The following KCNAB1 variants were observed in gnomAD, a reference collection of about 807,000 sequenced individuals.
KCNAB1 encodes voltage-gated potassium channel subunit beta-1.
KCNAB1 carries 35 observed loss-of-function variants against 64.6 expected under a neutral mutation model. That is an observed-to-expected ratio of 0.54 (90% confidence interval 0.41 to 0.72). KCNAB1 has a LOEUF of 0.72. Among genes scored for constraint, KCNAB1 ranks in the 30% least tolerant of loss-of-function variants. The pLI is 0.00. For synonymous variants in KCNAB1, 177 were observed against 183.8 expected, an observed-to-expected ratio of 0.96 and a Z score of 0.30; for missense variants, 401 against 512.9, an observed-to-expected ratio of 0.78 and a Z score of 2.11.
At chr3:156,244,111 T>C (rs376588165) in intron 1 of KCNAB1, among the ~76,000 whole-genome samples, 84 of 152,360 alleles carry the variant, frequency 5.5e-4, no homozygotes, top group African/African-American at 2.0e-3. Flanking sequence ...TGACAACAAA[T>C]TTAGTGGCTT....
At chr3:156,300,404 T>C (rs776721154) in intron 1 of KCNAB1, among the ~76,000 whole-genome samples, 1 of 152,194 alleles carries the variant, frequency 6.6e-6, no homozygotes, top group Non-Finnish European at 1.5e-5. Flanking sequence ...ACCAGCAGTT[T>C]TCTCCTAGAT....
intron 1 of KCNAB1, among the ~76,000 whole-genome samples, chr3:156,246,534 C>T (rs146200133): frequency 6.7e-6 from 1 of 148,436 alleles, no homozygotes; most frequent in Non-Finnish European, 1.5e-5. Context: ...ACCCGAGAGG[C>T]AGAGGTTGCA....
At chr3:156,156,201 G>A (rs75943024) in intron 1 of KCNAB1, among the ~76,000 whole-genome samples, 5,499 of 152,268 alleles carry the variant, frequency 0.036, 104 homozygotes, top group Non-Finnish European at 0.044. Context: ...CAAGGGCTTA[G>A]AGGTTAACTC....
chr3:156,195,961 G>A (rs1033547178), intron 1 of KCNAB1, among the ~76,000 whole-genome samples: 3 of 152,136 alleles, frequency 2.0e-5, no homozygotes, highest in African/African-American at 7.2e-5. Context: ...GTTAATTTTT[G>A]TATAAAGTGT....
chr3:156,200,776 C>G (rs931304346), intron 1 of KCNAB1, among the ~76,000 whole-genome samples: 1 of 152,210 alleles, frequency 6.6e-6, no homozygotes, highest in Non-Finnish European at 1.5e-5. Flanking sequence ...CTGAATGAGA[C>G]CACTTGGCTC....
intron 4 of KCNAB1, 127 bp downstream of exon 4, chr3:156,457,659 T>C (rs1230436674): frequency 1.3e-6 from 1 of 774,262 alleles, no homozygotes; most frequent in East Asian, 2.5e-5. Context: ...CTCTGCTCTG[T>C]TCTGCCCTCT....
At chr3:156,332,577 A>C (rs1384109941) in intron 1 of KCNAB1, among the ~76,000 whole-genome samples, 2 of 152,148 alleles carry the variant, frequency 1.3e-5, no homozygotes, top group African/African-American at 4.8e-5. Context: ...GACATCTGCT[A>C]TAAGGAATGT....
chr3:156,175,609 C>T (rs781763344), intron 1 of KCNAB1, among the ~76,000 whole-genome samples: 2 of 152,226 alleles, frequency 1.3e-5, no homozygotes, highest in African/African-American at 4.8e-5. Flanking sequence ...TAGAGCGAGA[C>T]TCTGTCTCAA....
chr3:156,438,265 G>C lies in KCNAB1; in HGVS notation c.320-14634G>C, dbSNP rs1716726551. On this transcript the variant is annotated intron_variant, in intron 2 of 13. Transcript: ENST00000490337. ...CTGGGAACATTTTTCTTCCCAGGCA[G>C]CTGCAGCAAGCACAGCCAGAGAGCA... Among the ~76,000 whole-genome samples, 4 of 152,334 alleles carry C rather than the reference G, an allele frequency of 2.6e-5. No homozygotes were observed. The South Asian group carries it at 8.3e-4, about 32-fold the overall frequency.
At chr3:156,130,487 G>A (rs928086588) in intron 1 of KCNAB1, among the ~76,000 whole-genome samples, 2 of 152,140 alleles carry the variant, frequency 1.3e-5, no homozygotes, top group African/African-American at 4.8e-5. Context: ...AATGATCCAT[G>A]TGCATGTGAT....
chr3:156,413,383 C>A (rs963777073), intron 1 of KCNAB1, among the ~76,000 whole-genome samples: 2 of 152,126 alleles, frequency 1.3e-5, no homozygotes, highest in African/African-American at 4.8e-5. Flanking sequence ...CCCTAAGTAC[C>A]AGGAGCAGAG....
At chr3:156,526,851 T>C (rs1161531953) in intron 12 of KCNAB1, among the ~76,000 whole-genome samples, 1 of 125,842 alleles carries the variant, frequency 7.9e-6, no homozygotes, top group Non-Finnish European at 1.7e-5. Context: ...AAATGGGTGC[T>C]GATTCTAGAC....
chr3:156,120,916 G>T, intron 1 of KCNAB1, 30 bp downstream of exon 1: 1 of 1,606,800 alleles, frequency 6.2e-7, no homozygotes, highest in Non-Finnish European at 8.5e-7. Context: ...CGCGGGCTTT[G>T]GGAGACGCCG....
chr3:156,256,572 C>T (rs141608471), intron 1 of KCNAB1, among the ~76,000 whole-genome samples: 4 of 152,362 alleles, frequency 2.6e-5, no homozygotes, highest in Non-Finnish European at 2.9e-5. Flanking sequence ...CAGGCATCGT[C>T]TTCTGTTTTA....
intron 1 of KCNAB1, among the ~76,000 whole-genome samples, chr3:156,359,039 A>G (rs1285347691): frequency 2.6e-5 from 4 of 152,250 alleles, no homozygotes; most frequent in African/African-American, 4.8e-5. Context: ...TTATTTTTAA[A>G]TAAACCAATA....
intron 1 of KCNAB1, among the ~76,000 whole-genome samples, chr3:156,373,393 AT>A (rs1437963061): frequency 6.6e-6 from 1 of 152,192 alleles, no homozygotes; most frequent in African/African-American, 2.4e-5. Context: ...TCTCATTTTC[AT>A]TTTCCATAAA....
At chr3:156,362,000 C>G (rs1725645130) in intron 1 of KCNAB1, among the ~76,000 whole-genome samples, 1 of 152,192 alleles carries the variant, frequency 6.6e-6, no homozygotes, top group African/African-American at 2.4e-5. Context: ...TTATTAACCC[C>G]TCACCCTGTG....
At chr3:156,473,483 G>T (rs1468239608) in intron 7 of KCNAB1, among the ~76,000 whole-genome samples, 1 of 152,096 alleles carries the variant, frequency 6.6e-6, no homozygotes, top group African/African-American at 2.4e-5. Flanking sequence ...ACTGTTTCTT[G>T]AGATAGCTGG....
chr3:156,201,812 G>C (rs556596184), intron 1 of KCNAB1, among the ~76,000 whole-genome samples: 1 of 152,180 alleles, frequency 6.6e-6, no homozygotes, highest in Non-Finnish European at 1.5e-5. Context: ...GGGAGGCTGC[G>C]GTGTGGGGAG....
Sources: gnomAD v4.1 joint callset for allele counts (sites outside exome capture counted in the v4.1 genomes callset) on GRCh38, gnomAD v4.1.1 for gene constraint, MANE v1.5 for transcripts, NCBI Gene and HGNC (gene_info 2026-07-23, HGNC 2026-07-21) for gene names.